The following STK36 variants were observed in gnomAD, a reference collection of about 807,000 sequenced individuals.
The protein encoded by STK36 is serine/threonine-protein kinase 36.
STK36 carries 116 observed loss-of-function variants against 142.2 expected under a neutral mutation model. That is an observed-to-expected ratio of 0.82 (90% CI 0.70 to 0.95). STK36 has a LOEUF of 0.95. STK36 is among the 40% of genes least tolerant of loss of function. The pLI is 0.00. For missense variants in STK36, 1,422 were observed against 1,617.2 expected (o/e 0.88, Z 2.07); for synonymous variants, 619 against 641.7 (o/e 0.96, Z 0.53).
chr2:218,672,825 CTG>C lies in STK36; in HGVS notation c.-3_-2del, dbSNP rs1559326176. ...TTCCTTCTAAGAGATCCTGAAACCT[CTG>C]TCATGGAAAAGTACCACGTGTTGGA... is the stretch of plus-strand genomic sequence containing the variant. On this transcript the variant is annotated 5_prime_UTR_variant, in exon 2 of 27. Transcript: ENST00000295709. The C allele has an allele frequency of 6.2e-7, 1 of 1,613,984 alleles. No homozygotes were observed. Among genetic ancestry groups the C allele is most frequent in the Non-Finnish European group, 8.5e-7 (1 of 1,179,908 alleles).
chr2:218,679,525 C>A, intron 7 of STK36, 35 bp from the exon 8 acceptor site: 1 of 1,600,532 alleles, frequency 6.2e-7, no homozygotes, highest in Non-Finnish European at 8.5e-7. Flanking sequence ...CTATGGCCCC[C>A]ATGATCATGT....
chr2:218,698,934 T>C lies in STK36; in HGVS notation c.3390T>C (p.Tyr1130=), dbSNP rs746061684. 111 of 1,614,060 alleles carry C rather than the reference T, an allele frequency of 6.9e-5. No individual in the cohort carries two copies. Among genetic ancestry groups the C allele is most frequent in the Non-Finnish European group, 9.0e-5 (106 of 1,180,020 alleles). ...AGAATTCTGTGCGGGCACACACTTATAGGCTCCTGGGACACTTGCTCCAAC... is the reference window on the plus strand; with the variant it reads ...AGAATTCTGTGCGGGCACACACTTACAGGCTCCTGGGACACTTGCTCCAAC... The part of the protein sequence containing the change: ...HPENSVRAHT[Y]RLLGHLLQHS... The change falls in exon 26 of 27, where the codon TAT becomes TAC. Residue 1130 remains tyrosine (Y), a synonymous_variant. Coordinates refer to ENST00000295709, the MANE Select transcript of STK36 (RefSeq NM_015690.5).
At chr2:218,676,862 G>A (rs940330333) in intron 6 of STK36, among the ~76,000 whole-genome samples, 2 of 152,036 alleles carry the variant, frequency 1.3e-5, no homozygotes, top group Admixed American at 6.6e-5. Context: ...GTGTTAGCCA[G>A]CATGGTCTTG....
At chr2:218,680,169 A>G in intron 9 of STK36, 89 bp downstream of exon 9, 2 of 1,251,962 alleles carry the variant, frequency 1.6e-6, no homozygotes, top group Non-Finnish European at 2.3e-6. Flanking sequence ...GGTCCCTGTC[A>G]CTAGCCACTG....
rs1327653791 is a variant in STK36, at chr2:218,698,905, C to G, written c.3361C>G (p.Pro1121Ala). Residue 1121 changes from proline to alanine, a missense_variant, in exon 26 of 27, where the codon CCA becomes GCA. Coordinates refer to ENST00000295709, the MANE Select transcript of STK36 (RefSeq NM_015690.5). ...GCCCCTGCGCAGCCTCCTGGGCCAC[C>G]CAGAGAATTCTGTGCGGGCACACAC... ...YRPLRSLLGH[P>A]ENSVRAHTYR... 6.2e-7 allele frequency: 1 copy of G among 1,614,168 alleles called. No individual in the cohort carries two copies. The highest frequency in any genetic ancestry group is 1.7e-5 in the Admixed American group (1 of 60,016).
Position 218,680,087 on chromosome 2 carries a change from AG to A in STK36, c.1136+10del. The A allele has an allele frequency of 6.2e-7, 1 of 1,613,650 alleles. No homozygotes were observed. The highest frequency in any genetic ancestry group is 8.5e-7 in the Non-Finnish European group (1 of 1,179,812). ...AGGTGCCCTCTGCACCTCGGTGAGAAGGGTATAGTTAGGGATTTGTAGGGTG... is the reference window on the plus strand; with the variant it reads ...AGGTGCCCTCTGCACCTCGGTGAGAAGGTATAGTTAGGGATTTGTAGGGTG... On this transcript the variant is annotated splice_region_variant and intron_variant, in intron 9 of 26. Coordinates refer to ENST00000295709, the MANE Select transcript of STK36 (RefSeq NM_015690.5).
intron 16 of STK36, 40 bp from the exon 17 acceptor site, chr2:218,693,198 AAT>A (rs1941081411): frequency 6.5e-7 from 1 of 1,545,630 alleles, no homozygotes; most frequent in African/African-American, 1.4e-5. Flanking sequence ...ATAGGGTTGT[AAT>A]CATGTGGATA....
chr2:218,692,748 C>A, intron 16 of STK36, 38 bp downstream of exon 16: 2 of 1,590,526 alleles, frequency 1.3e-6, no homozygotes, highest in Admixed American at 1.8e-5. Context: ...CATCCTACTG[C>A]CAGAGGAATT....
intron 21 of STK36, 73 bp from the exon 22 acceptor site, chr2:218,696,454 A>T: frequency 7.5e-7 from 1 of 1,328,500 alleles, no homozygotes; most frequent in Non-Finnish European, 1.1e-6. Context: ...TGGCACCATC[A>T]CTGACCTGCC....
chr2:218,680,767 TTTCTAGAACAGTGA>T, intron 10 of STK36, 65 bp downstream of exon 10: 1 of 1,427,920 alleles, frequency 7.0e-7, no homozygotes, highest in Non-Finnish European at 9.6e-7. Context: ...GGTAGATGTT[TTTCTAGAACAGTGA>T]TTCCCAACTC....
intron 4 of STK36, among the ~76,000 whole-genome samples, chr2:218,675,027 T>C (rs1940170394): frequency 6.6e-6 from 1 of 152,224 alleles, no homozygotes; most frequent in South Asian, 2.1e-4. Context: ...ATTCTGAGTA[T>C]TATTTTGCAT....
At position 218,699,250 on chromosome 2, in the gene STK36, C is replaced by A. The variant is rs776619847; in HGVS notation, c.3706C>A (p.Arg1236=). 3 of 1,613,990 alleles carry A rather than the reference C, an allele frequency of 1.9e-6. No homozygotes were observed. In the Admixed American group the frequency reaches 5.0e-5, roughly 27 times the overall value. ...EELLQCEVPQ[R]LLEMACGDPQ... is the part of the protein sequence containing the mutation. Reference sequence around the variant, plus strand: ...GCTGTTACAGTGCGAAGTACCCCAGCGGCTCCTAGAAATGGCATGTGGAGA... The same window carrying A: ...GCTGTTACAGTGCGAAGTACCCCAGAGGCTCCTAGAAATGGCATGTGGAGA... The change falls in exon 26 of 27, where the codon CGG becomes AGG. Residue 1236 remains arginine (R), a synonymous_variant. Transcript: ENST00000295709.
chr2:218,696,782 C>T (rs1005216758), intron 22 of STK36, 181 bp downstream of exon 22: 18 of 904,164 alleles, frequency 2.0e-5, no homozygotes, highest in Middle Eastern at 2.1e-4. Flanking sequence ...GGAAACCATT[C>T]GCTGCGTCCC....
In STK36 at chr2:218,699,149, G is replaced by C. The variant is rs1941351782; in HGVS notation, c.3605G>C (p.Gly1202Ala). 2 of 1,614,004 alleles carry C rather than the reference G, an allele frequency of 1.2e-6. No homozygotes were observed. Among genetic ancestry groups the C allele is most frequent in the South Asian group, 2.2e-5 (2 of 91,086 alleles). Residue 1202 changes from glycine to alanine, a missense_variant, in exon 26 of 27, where the codon GGA becomes GCA. This residue lies in a region of STK36 where 962 missense variants were observed against 1,167.5 expected (regional missense o/e 0.82). Coordinates refer to ENST00000295709, the MANE Select transcript of STK36 (RefSeq NM_015690.5). ...AAVPSMTQLLGDPQAGIRRNV... is the reference protein window; with the variant it reads ...AAVPSMTQLLADPQAGIRRNV... Reference sequence around the variant, plus strand: ...GTGCCCAGTATGACCCAGCTGCTTGGAGATCCTCAGGCTGGTATCCGGCGC... The same window carrying C: ...GTGCCCAGTATGACCCAGCTGCTTGCAGATCCTCAGGCTGGTATCCGGCGC...
chr2:218,694,328 G>T lies in STK36; in HGVS notation c.2400+1G>T, dbSNP rs1360101700. The T allele has an allele frequency of 1.2e-6, 2 of 1,613,744 alleles. No individual in the cohort carries two copies. Among genetic ancestry groups the T allele is most frequent in the East Asian group, 4.5e-5 (2 of 44,884 alleles). The stretch of plus-strand genomic sequence containing the variant: ...CCATTCGCATGTCGTCTCTCTTGTG[G>T]TAAGTTTTTAACCTTCACCCTCCTC... On this transcript the variant is annotated splice_donor_variant, in intron 20 of 26. Coordinates refer to ENST00000295709, the MANE Select transcript of STK36 (RefSeq NM_015690.5). LOFTEE classifies it high-confidence loss of function. This position sits in a 1 kb window ranked among gnomAD's most constrained non-coding sequence, Gnocchi z 4.4.
intron 21 of STK36, among the ~76,000 whole-genome samples, chr2:218,696,055 G>T (rs1323957900): frequency 1.3e-5 from 2 of 150,410 alleles, no homozygotes. Context: ...GTAGAGACGG[G>T]GTTTCACAAT....
chr2:218,691,972 C>A (rs1220075326), intron 14 of STK36, among the ~76,000 whole-genome samples, 171 bp from the exon 15 acceptor site: 1 of 152,220 alleles, frequency 6.6e-6, no homozygotes, highest in African/African-American at 2.4e-5. Flanking sequence ...GTCCTTGAAG[C>A]ATGAATGAAA....
Position 218,697,443 on chromosome 2 carries a change from T to C in STK36, c.2762-20T>C, listed in dbSNP as rs752457824. The C allele has an allele frequency of 3.1e-6, 5 of 1,613,244 alleles. No homozygotes were observed. The Admixed American group carries it at 6.7e-5, about 22-fold the overall frequency. On this transcript the variant is annotated intron_variant, in intron 23 of 26. Coordinates refer to ENST00000295709, the MANE Select transcript of STK36 (RefSeq NM_015690.5). ...GGCGTCTTGCCTGTTCCATTGGGTCTCCATTTTTGGTGTTACCAGGCATGG... is the reference window on the plus strand; with the variant it reads ...GGCGTCTTGCCTGTTCCATTGGGTCCCCATTTTTGGTGTTACCAGGCATGG...
intron 4 of STK36, among the ~76,000 whole-genome samples, chr2:218,674,884 G>A (rs1940163873): frequency 1.3e-5 from 2 of 152,170 alleles, no homozygotes; most frequent in African/African-American, 4.8e-5. Flanking sequence ...ACAGGTGTGA[G>A]CCACCACGCC....
Sources: allele counts gnomAD v4.1 joint callset (sites outside exome capture counted in the v4.1 genomes callset), GRCh38; gene constraint gnomAD v4.1.1; regional missense constraint gnomAD v4.1.1; non-coding constraint Gnocchi (gnomAD v3.1); transcripts MANE v1.5; gene names NCBI Gene and HGNC (gene_info 2026-07-23, HGNC 2026-07-21).